The following PHKA1 variants were observed in gnomAD, a reference collection of about 807,000 sequenced individuals.
PHKA1 encodes phosphorylase b kinase regulatory subunit alpha, skeletal muscle isoform.
In PHKA1, 60 loss-of-function variants were observed where a neutral mutation model predicts 110.2. The ratio of observed to expected loss-of-function variants is 0.54; its 90% CI spans 0.44 to 0.68. PHKA1 has a LOEUF of 0.68. PHKA1 is among the 30% of genes least tolerant of loss of function. The pLI, the probability that PHKA1 is intolerant of heterozygous loss-of-function variation, is 0.00. For synonymous variants in PHKA1, 316 were observed against 333.6 expected, an observed-to-expected ratio of 0.95 and a Z score of 0.58; for missense variants, 801 against 942.5, an observed-to-expected ratio of 0.85 and a Z score of 1.97.
In PHKA1 at chrX:72,605,410, GAGTAGATAT is replaced by G; in HGVS notation, c.2686-19_2686-11del. The G allele has an allele frequency of 8.3e-7, 1 of 1,206,757 alleles. No homozygotes were observed. Among genetic ancestry groups the G allele is most frequent in the Non-Finnish European group, 1.1e-6 (1 of 891,011 alleles). On this transcript the variant is annotated splice_polypyrimidine_tract_variant and intron_variant, in intron 24 of 31. Coordinates refer to ENST00000373542, the MANE Select transcript of PHKA1 (RefSeq NM_002637.4). The stretch of plus-strand genomic sequence containing the variant: ...GATATACCATTATTTCCTGCACACA[GAGTAGATAT>G]AGACAAAAATAATGGCCTAGGTCTC...
chrX:72,583,510 C>T (rs782582066), intron 30 of PHKA1, among the ~76,000 whole-genome samples: 1 of 111,569 alleles, frequency 9.0e-6, no homozygotes, highest in Admixed American at 9.5e-5. Flanking sequence ...AATAGTGAAG[C>T]CCTGAAGCAT....
At position 72,636,305 on chromosome X, in the gene PHKA1, C is replaced by G; in HGVS notation, c.1541G>C (p.Arg514Pro). ...VLGTSKLYDIRKTIFTFTPQF... is the reference protein window; with the variant it reads ...VLGTSKLYDIPKTIFTFTPQF... ...TGGAGTGAAAGTAAAGATAGTTTTC[C>G]GAATGTCATAGAGTTTTGAAGTTCC... The change falls in exon 15 of 32, where the codon CGG becomes CCG. Residue 514 changes from arginine to proline, a missense_variant. Around this residue, in one of 2 missense-constraint regions of PHKA1, gnomAD observed 299 missense variants for 423.3 expected, o/e 0.71. Coordinates refer to ENST00000373542, the MANE Select transcript of PHKA1 (RefSeq NM_002637.4). 1 of 1,198,725 alleles carries G rather than the reference C, an allele frequency of 8.3e-7. No individual in the cohort carries two copies. Among genetic ancestry groups the G allele is most frequent in the Middle Eastern group, 2.3e-4 (1 of 4,312 alleles).
At chrX:72,642,595 G>A (rs1274549224) in intron 14 of PHKA1, among the ~76,000 whole-genome samples, 1 of 110,478 alleles carries the variant, frequency 9.1e-6, no homozygotes, top group Non-Finnish European at 1.9e-5. Flanking sequence ...ACAGGGAATG[G>A]CCAAAAAAAA....
chrX:72,692,550 G>A (rs1480373218), intron 4 of PHKA1, among the ~76,000 whole-genome samples: 2 of 111,776 alleles, frequency 1.8e-5, no homozygotes, highest in African/African-American at 3.2e-5. Flanking sequence ...TGCTTCTTGA[G>A]TCAGATTCAG....
chrX:72,613,197 T>C (rs2052838541), intron 21 of PHKA1, among the ~76,000 whole-genome samples: 1 of 111,783 alleles, frequency 8.9e-6, no homozygotes, highest in Non-Finnish European at 1.9e-5. Flanking sequence ...TCAGAGTGAT[T>C]TGTTATGAAG....
chrX:72,667,448 A>C lies in PHKA1; in HGVS notation c.644T>G (p.Leu215Arg). The C allele has an allele frequency of 8.3e-7, 1 of 1,209,717 alleles. No homozygotes were observed. The highest frequency in any genetic ancestry group is 1.1e-6 in the Non-Finnish European group (1 of 893,447). The change falls in exon 7 of 32, where the codon CTG (leucine) becomes CGG (arginine). Residue 215 changes from leucine (L) to arginine (R), a missense_variant. Leu to Arg is a moderately radical substitution (Grantham distance 102). This residue lies in a region of PHKA1 where 299 missense variants were observed against 423.3 expected (regional missense o/e 0.71). Coordinates refer to ENST00000373542, the MANE Select transcript of PHKA1 (RefSeq NM_002637.4). ...AKAALEALDE[L>R]DLFGVKGGPQ... ...CCCACCTTTCACACCAAACAGATCC[A>C]GTTCATCTAATGCTTCCAGGGCTGC...
At chrX:72,627,591 T>C (rs782188642) in intron 16 of PHKA1, among the ~76,000 whole-genome samples, 2 of 111,827 alleles carry the variant, frequency 1.8e-5, no homozygotes, top group Admixed American at 1.9e-4. Flanking sequence ...TTACTAAATT[T>C]AGACTGTTTT....
At chrX:72,617,875 C>T (rs1203989459) in intron 21 of PHKA1, among the ~76,000 whole-genome samples, 2 of 109,634 alleles carry the variant, frequency 1.8e-5, no homozygotes, top group African/African-American at 3.3e-5. Flanking sequence ...AGAGTTCTTC[C>T]GAACTCATTT....
At position 72,630,999 on chromosome X, in the gene PHKA1, G is replaced by GTTT. The variant is rs146161152; in HGVS notation, c.1715-3953_1715-3951dup. 6.3e-3 allele frequency among the ~76,000 whole-genome samples: 280 copies of GTTT among 44,670 alleles called. 8 individuals are homozygous for GTTT. Among genetic ancestry groups the GTTT allele is most frequent in the Middle Eastern group, 0.053 (1 of 19 alleles). 38.8% of individuals were successfully genotyped at this position (44,670 alleles called of 115,157 possible). On this transcript the variant is annotated intron_variant, in intron 16 of 31. Transcript: ENST00000373542. ...TGAGGCTCTGTTCATATTTTTTCAG[G>GTTT]TTTTTTTTTTTTTTTTTTTTTTTAC...
chrX:72,654,859 G>A (rs1218827858), intron 10 of PHKA1, among the ~76,000 whole-genome samples: 24 of 101,200 alleles, frequency 2.4e-4, no homozygotes, highest in African/African-American at 8.0e-4. Context: ...GTGCAGTGGC[G>A]CAATCTCGGC....
chrX:72,619,057 A>T (rs1556273240), intron 20 of PHKA1, among the ~76,000 whole-genome samples, 157 bp downstream of exon 20: 1 of 112,253 alleles, frequency 8.9e-6, no homozygotes, highest in East Asian at 2.8e-4. Context: ...AACTTGCCCA[A>T]TGTAAAAGTG....
intron 10 of PHKA1, among the ~76,000 whole-genome samples, chrX:72,655,774 C>T (rs1430216291): frequency 8.1e-5 from 9 of 111,575 alleles, no homozygotes; most frequent in Admixed American, 6.6e-4. Flanking sequence ...AGGCGCCTGC[C>T]ACCACGCCCA....
At chrX:72,596,225 A>G (rs1193862097) in intron 28 of PHKA1, among the ~76,000 whole-genome samples, 1 of 111,916 alleles carries the variant, frequency 8.9e-6, no homozygotes, top group Non-Finnish European at 1.9e-5. Flanking sequence ...GATTCCAGTT[A>G]TGTAATGTAT....
intron 1 of PHKA1, among the ~76,000 whole-genome samples, chrX:72,713,490 A>C (rs1407595852): frequency 9.0e-6 from 1 of 111,608 alleles, no homozygotes; most frequent in East Asian, 2.8e-4. Flanking sequence ...GGTATTATTA[A>C]GTGCATTTAT....
At chrX:72,707,071 G>A (rs1333260185) in intron 2 of PHKA1, among the ~76,000 whole-genome samples, 1 of 111,504 alleles carries the variant, frequency 9.0e-6, no homozygotes, top group Non-Finnish European at 1.9e-5. Context: ...CCCATACCAA[G>A]TGACTCTCCC....
At chrX:72,710,826 TTTTTTA>T (rs1403794296) in intron 2 of PHKA1, among the ~76,000 whole-genome samples, 1 of 59,868 alleles carries the variant, frequency 1.7e-5, no homozygotes, top group Non-Finnish European at 3.4e-5. Context: ...TTATTTTTTA[TTTTTTA>T]TTTTTTTATT....
chrX:72,694,364 C>A (rs1169599390), intron 4 of PHKA1, among the ~76,000 whole-genome samples: 1 of 112,104 alleles, frequency 8.9e-6, no homozygotes, highest in Non-Finnish European at 1.9e-5. Flanking sequence ...TGATTATTTA[C>A]CTTGAATGAC....
At chrX:72,663,207 C>T (rs1013018102) in intron 8 of PHKA1, among the ~76,000 whole-genome samples, 11 of 110,074 alleles carry the variant, frequency 1.0e-4, no homozygotes, top group African/African-American at 3.6e-4. Flanking sequence ...AAAAAACAAA[C>T]TTTAACGCAG....
At chrX:72,618,912 T>C (rs927391118) in intron 20 of PHKA1, 63 bp from the exon 21 acceptor site, 20 of 1,010,986 alleles carry the variant, frequency 2.0e-5, no homozygotes, top group Admixed American at 4.4e-5. Flanking sequence ...AATAATGTCC[T>C]AGAATGAGTC....
Sources: gnomAD v4.1 joint callset for allele counts (sites outside exome capture counted in the v4.1 genomes callset) on GRCh38, gnomAD v4.1.1 for gene constraint, gnomAD v4.1.1 regional missense constraint, MANE v1.5 for transcripts, NCBI Gene and HGNC (gene_info 2026-07-23, HGNC 2026-07-21) for gene names.